The following CTBP1 variants were observed in gnomAD, a reference collection of about 807,000 sequenced individuals.
CTBP1 encodes the protein C-terminal-binding protein 1.
In CTBP1, 11 loss-of-function variants were observed where a neutral mutation model predicts 42.1. The ratio of observed to expected loss-of-function variants is 0.26; its 90% CI spans 0.16 to 0.43. The LOEUF (loss-of-function observed/expected upper bound fraction) is 0.43. Among genes scored for constraint, CTBP1 ranks in the 20% least tolerant of loss-of-function variants. The probability of loss-of-function intolerance (pLI) is 1.00; values close to 1 mark genes in which losing one functional copy is unlikely to be tolerated. For synonymous variants in CTBP1, 324 were observed against 277.1 expected (o/e 1.17, Z -1.68); for missense variants, 399 against 624.3 (o/e 0.64, Z 3.85).
chr4:1,244,974 T>C (rs1018422888), intron 1 of CTBP1: 1 of 985,238 alleles, frequency 1.0e-6, no homozygotes, highest in South Asian at 4.7e-5. Flanking sequence ...TGCCCTGCAA[T>C]GGCAGAGAAG....
At chr4:1,219,510 T>C (rs1252326292) in intron 5 of CTBP1, among the ~76,000 whole-genome samples, 1 of 152,218 alleles carries the variant, frequency 6.6e-6, no homozygotes, top group East Asian at 1.9e-4. Flanking sequence ...TACTTAATGG[T>C]GAAATGTCAG....
intron 4 of CTBP1, among the ~76,000 whole-genome samples, chr4:1,227,045 A>G (rs1172913171): frequency 6.6e-6 from 1 of 152,088 alleles, no homozygotes; most frequent in Non-Finnish European, 1.5e-5. Context: ...GAGAAAAAAC[A>G]GACCGAGCCT....
At position 1,214,460 on chromosome 4, in the gene CTBP1, G is replaced by A. The variant is rs776982007; in HGVS notation, c.743C>T (p.Ala248Val). The A allele has an allele frequency of 6.3e-6, 10 of 1,588,056 alleles. No homozygotes were observed. The highest frequency in any genetic ancestry group is 4.3e-6 in the Non-Finnish European group (5 of 1,169,498). ...DFTVKQMRQG[A>V]FLVNTARGGL... ...ACCCCGGGCTGTGTTCACCAGGAAG[G>A]CCCCTTGTCTCATCTAGAAGACATA... is the stretch of plus-strand genomic sequence containing the variant. The change falls in exon 7 of 10, where the codon GCC (alanine) becomes GTC (valine). Residue 248 changes from alanine to valine, a missense_variant. By Grantham distance (64) the Ala-to-Val change is moderately conservative. Around this residue, in one of 4 missense-constraint regions of CTBP1, gnomAD observed 309 missense variants for 497.5 expected, o/e 0.62. Coordinates refer to ENST00000382952, the MANE Select transcript of CTBP1 (RefSeq NM_001012614.2).
chr4:1,247,138 C>G (rs763261388), intron 1 of CTBP1, among the ~76,000 whole-genome samples: 8 of 152,214 alleles, frequency 5.3e-5, no homozygotes, highest in African/African-American at 7.2e-5. Context: ...AGGGAAGATC[C>G]TACTCGCTGA....
upstream of CTBP1, chr4:1,249,735 G>C (rs900423739): frequency 8.6e-5 from 32 of 374,222 alleles, 1 homozygote; most frequent in Admixed American, 7.9e-4. Flanking sequence ...CCCGACTCCT[G>C]GAGGGACCGC....
chr4:1,213,023 G>A lies in CTBP1; in HGVS notation c.996C>T (p.Ile332=). ...REIRRAITGR[I]PDSLKNCVNK... Reference sequence around the variant, plus strand: ...TGACACAGTTCTTCAGGCTGTCTGGGATCCGGCCTGGGAGATGCAGGAGGA... The same window carrying A: ...TGACACAGTTCTTCAGGCTGTCTGGAATCCGGCCTGGGAGATGCAGGAGGA... The change falls in exon 9 of 10, where the codon ATC becomes ATT. Residue 332 remains isoleucine, a synonymous_variant. Coordinates refer to ENST00000382952, the MANE Select transcript of CTBP1 (RefSeq NM_001012614.2). The A allele has an allele frequency of 6.2e-7, 1 of 1,613,734 alleles. No individual in the cohort carries two copies. Among genetic ancestry groups the A allele is most frequent in the South Asian group, 1.1e-5 (1 of 91,070 alleles).
rs1172792244 is a variant in CTBP1 at position 1,238,464 on chromosome 4, G to C, written c.8-127C>G. On this transcript the variant is annotated intron_variant, in intron 2 of 9. Coordinates refer to ENST00000382952, the MANE Select transcript of CTBP1 (RefSeq NM_001012614.2). This position sits in a 1 kb window ranked among gnomAD's most constrained non-coding sequence, Gnocchi z 5.9. ...CCGGGGGTTTTCTGGTCTATATGTT[G>C]TGATATTTGTAAAAAGTAAATTAAA... 1 of 1,120,034 alleles carries C rather than the reference G, an allele frequency of 8.9e-7. No homozygotes were observed. The highest frequency in any genetic ancestry group is 1.2e-6 in the Non-Finnish European group (1 of 819,392). The allele number at this position is 1,120,034 out of a possible 1,614,324, so 69.4% of individuals were successfully genotyped here.
At chr4:1,230,292 C>T (rs1302542703) in intron 3 of CTBP1, among the ~76,000 whole-genome samples, 4 of 152,200 alleles carry the variant, frequency 2.6e-5, no homozygotes, top group Admixed American at 6.5e-5. Flanking sequence ...GTGGTGGAGG[C>T]GAGCGGTGCG....
In CTBP1 at chr4:1,241,447, T is replaced by C; in HGVS notation, c.-116A>G. 1 of 1,582,934 alleles carries C rather than the reference T, an allele frequency of 6.3e-7. No homozygotes were observed. The stretch of plus-strand genomic sequence containing the variant: ...TCGGAGCCTCATCCCACGTCCTTAA[T>C]TGTCTCGAGCCAAAGTGCTCAGGCT... On this transcript the variant is annotated 5_prime_UTR_variant, in exon 2 of 10. Transcript: ENST00000382952.
chr4:1,241,984 A>T (rs1225923988), intron 1 of CTBP1: 1 of 1,008,092 alleles, frequency 9.9e-7, no homozygotes, highest in East Asian at 1.0e-4. Flanking sequence ...GGAACTTCCC[A>T]GGAGCCACCG....
At chr4:1,243,857 C>G (rs1732439628) in intron 1 of CTBP1, 4 of 985,350 alleles carry the variant, frequency 4.1e-6, no homozygotes, top group Non-Finnish European at 4.8e-6. Context: ...GCACACGGCT[C>G]TCAGCCCAGC....
rs1006568505 is a variant in CTBP1 at position 1,243,045 on chromosome 4, T to C, written c.-188-1526A>G. On this transcript the variant is annotated intron_variant, in intron 1 of 9. Coordinates refer to ENST00000382952, the MANE Select transcript of CTBP1 (RefSeq NM_001012614.2). Reference sequence around the variant, plus strand: ...ACTCATTGATACGGGCCAATACTCATTGATACCGGCTGATACTCATTGATA... The same window carrying C: ...ACTCATTGATACGGGCCAATACTCACTGATACCGGCTGATACTCATTGATA... 1.1e-5 allele frequency: 11 copies of C among 985,246 alleles called. No individual in the cohort carries two copies. The South Asian group carries it at 1.9e-4, about 17-fold the overall frequency. The allele number at this position is 985,246 out of a possible 1,614,324, so 61.0% of individuals were successfully genotyped here. A position where few individuals can be genotyped will look rare whatever the true frequency, so the allele number is the denominator to read the frequency against.
intron 3 of CTBP1, among the ~76,000 whole-genome samples, chr4:1,231,647 C>G (rs770376185): frequency 6.6e-6 from 1 of 152,270 alleles, no homozygotes; most frequent in Non-Finnish European, 1.5e-5. Flanking sequence ...TTCCAGACCT[C>G]GTGCACAGGG....
intron 3 of CTBP1, chr4:1,234,657 CTGTT>C (rs1731298641): frequency 1.3e-5 from 2 of 152,248 alleles, no homozygotes; most frequent in African/African-American, 4.8e-5. Context: ...GTTGGCAAAA[CTGTT>C]TGAGTATTGT....
chr4:1,218,349 A>G (rs910743748), intron 5 of CTBP1: 6 of 152,060 alleles, frequency 3.9e-5, no homozygotes, highest in African/African-American at 1.4e-4. Context: ...GGCTGCAGTG[A>G]GCCGAGATCG....
chr4:1,234,573 T>C (rs1731289638), intron 3 of CTBP1: 1 of 152,288 alleles, frequency 6.6e-6, no homozygotes, highest in Non-Finnish European at 1.5e-5. Flanking sequence ...CTGCATTTTA[T>C]ATGAACCTGT....
chr4:1,212,484 G>T, intron 9 of CTBP1, 61 bp from the exon 10 acceptor site: 1 of 1,346,882 alleles, frequency 7.4e-7, no homozygotes. Context: ...GGCCCCACCT[G>T]CCCTCCTAGC....
chr4:1,211,880 CA>C lies in CTBP1; in HGVS notation c.*359del, dbSNP rs1337792000. On this transcript the variant is annotated 3_prime_UTR_variant, in exon 10 of 10. Transcript: ENST00000382952. Reference sequence around the variant, plus strand: ...TTCCAACATACAAAAAAAAAAAAAACAAAAAAAAAAACCTCAAATTGACTTC... The same window carrying C: ...TTCCAACATACAAAAAAAAAAAAAACAAAAAAAAAACCTCAAATTGACTTC... 5.9e-4 allele frequency: 88 copies of C among 148,802 alleles called. No individual in the cohort carries two copies. The highest frequency in any genetic ancestry group is 8.3e-4 in the Non-Finnish European group (59 of 70,768). 9.2% of individuals were successfully genotyped at this position (148,802 alleles called of 1,614,324 possible). A position where few individuals can be genotyped will look rare whatever the true frequency, so the allele number is the denominator to read the frequency against.
chr4:1,241,666 T>A, intron 1 of CTBP1, 147 bp from the exon 2 acceptor site: 1 of 1,298,878 alleles, frequency 7.7e-7, no homozygotes, highest in Non-Finnish European at 9.9e-7. Context: ...CTCGGGGGCC[T>A]GCTGACAGCC....
Sources: allele counts gnomAD v4.1 joint callset (sites outside exome capture counted in the v4.1 genomes callset), GRCh38; gene constraint gnomAD v4.1.1; regional missense constraint gnomAD v4.1.1; non-coding constraint Gnocchi (gnomAD v3.1); transcripts MANE v1.5; gene names NCBI Gene and HGNC (gene_info 2026-07-23, HGNC 2026-07-21).